The following ZDHHC15 variants were observed in gnomAD, a reference collection of about 807,000 sequenced individuals.
ZDHHC15 encodes the protein palmitoyltransferase ZDHHC15.
In ZDHHC15, 19 loss-of-function variants were observed where a neutral mutation model predicts 31.7. The ratio of observed to expected loss-of-function variants is 0.60; its 90% confidence interval spans 0.42 to 0.88. ZDHHC15 has a LOEUF of 0.88. Ranked by LOEUF, ZDHHC15 falls within the 40% of genes least tolerant of loss-of-function variation. The pLI is 0.00. For synonymous variants in ZDHHC15, 103 were observed against 90.0 expected (o/e 1.14, Z -0.82); for missense variants, 209 against 251.2 (o/e 0.83, Z 1.14).
chrX:75,460,475 C>A (rs1237395307), intron 3 of ZDHHC15, among the ~76,000 whole-genome samples: 1 of 111,411 alleles, frequency 9.0e-6, no homozygotes, highest in Non-Finnish European at 1.9e-5. Flanking sequence ...GTTTCCACTC[C>A]TCCTGACTGG....
Position 75,474,474 on chromosome X carries a change from T to C in ZDHHC15, c.258+4417A>G, listed in dbSNP as rs778425407. Among the ~76,000 whole-genome samples the C allele has an allele frequency of 2.9e-4, 19 of 66,262 alleles. 1 individual carries two copies. The South Asian group carries it at 0.013, about 45-fold the overall frequency. 57.5% of individuals were successfully genotyped at this position (66,262 alleles called of 115,157 possible). On this transcript the variant is annotated intron_variant, in intron 3 of 11. Transcript: ENST00000373367. ...ACACACACACACACACACACACACATATATGTACTTTTATTATACTTACAC... is the reference window on the plus strand; with the variant it reads ...ACACACACACACACACACACACACACATATGTACTTTTATTATACTTACAC...
rs895453561 is a variant in ZDHHC15 at position 75,379,180 on chromosome X, G to T, written c.986C>A (p.Ser329Ter). The T allele has an allele frequency of 1.7e-6, 2 of 1,211,275 alleles. No homozygotes were observed. Among genetic ancestry groups the T allele is most frequent in the Non-Finnish European group, 2.2e-6 (2 of 895,200 alleles). Residue 329 changes from serine (S) to a stop codon, truncating the protein, a stop_gained, in exon 11 of 12, where the codon TCA becomes TAA. Transcript: ENST00000373367. LOFTEE classifies it high-confidence loss of function. ...DDNQDYPEGS[S>*]SLAVETET The stretch of plus-strand genomic sequence containing the variant: ...TGTTTCCGTTTCCACAGCAAGAGAT[G>T]ATGAGCCTTCTGGATAATCTGCAAG...
At chrX:75,522,085 C>G (rs1211059743) in intron 1 of ZDHHC15, among the ~76,000 whole-genome samples, 1 of 110,900 alleles carries the variant, frequency 9.0e-6, no homozygotes, top group Non-Finnish European at 1.9e-5. Flanking sequence ...TCGAATGCTC[C>G]TCAAAGCAAG....
At chrX:75,398,607 C>G (rs1433538287) in intron 10 of ZDHHC15, among the ~76,000 whole-genome samples, 1 of 111,518 alleles carries the variant, frequency 9.0e-6, no homozygotes, top group Non-Finnish European at 1.9e-5. Context: ...CATGGCCAAA[C>G]TGCCTTTATA....
intron 3 of ZDHHC15, among the ~76,000 whole-genome samples, chrX:75,473,640 T>C (rs922075597): frequency 5.4e-5 from 6 of 111,313 alleles, no homozygotes; most frequent in African/African-American, 1.6e-4. Context: ...AATTTATTAC[T>C]CCACAACGGA....
chrX:75,423,699 C>T (rs1325725057), intron 8 of ZDHHC15, among the ~76,000 whole-genome samples: 1 of 106,419 alleles, frequency 9.4e-6, no homozygotes, highest in African/African-American at 3.4e-5. Flanking sequence ...TTATGTTGCT[C>T]AGGCTGGTCT....
intron 10 of ZDHHC15, among the ~76,000 whole-genome samples, chrX:75,399,210 AC>A (rs1165984926): frequency 2.7e-5 from 3 of 109,777 alleles, no homozygotes; most frequent in African/African-American, 9.9e-5. Context: ...CCCTCCAGCC[AC>A]CCCCCACCAG....
intron 9 of ZDHHC15, among the ~76,000 whole-genome samples, chrX:75,419,250 C>G (rs756604271): frequency 1.8e-5 from 2 of 111,344 alleles, no homozygotes; most frequent in South Asian, 3.8e-4. Context: ...AACAAATTTA[C>G]AAGAAAAAAA....
intron 4 of ZDHHC15, among the ~76,000 whole-genome samples, chrX:75,435,559 G>T (rs1413547078): frequency 1.8e-5 from 2 of 111,759 alleles, no homozygotes; most frequent in African/African-American, 6.5e-5. Context: ...AAGGGATGCT[G>T]GATTTTGTCA....
chrX:75,438,112 T>TA (rs2083889032), intron 4 of ZDHHC15, among the ~76,000 whole-genome samples: 1 of 111,722 alleles, frequency 9.0e-6, no homozygotes, highest in African/African-American at 3.3e-5. Context: ...TGGCAATCAT[T>TA]AAAAAGTCAG....
At chrX:75,476,050 G>A (rs865974020) in intron 3 of ZDHHC15, among the ~76,000 whole-genome samples, 6 of 110,797 alleles carry the variant, frequency 5.4e-5, no homozygotes, top group East Asian at 2.8e-4. Flanking sequence ...TGGTTTTTGC[G>A]TGATGTGGTG....
At position 75,373,926 on chromosome X, in the gene ZDHHC15, G is replaced by GTTTTTT. The variant is rs35704680; in HGVS notation, c.*33-987_*33-982dup. ...ATACTAGGTCTTATTCATTCTTTCT[G>GTTTTTT]TTTTTTTTTTTTTTTTTTTTTTGTA... On this transcript the variant is annotated intron_variant, in intron 11 of 11. Transcript: ENST00000373367. Among the ~76,000 whole-genome samples, 184 of 50,436 alleles carry GTTTTTT rather than the reference G, an allele frequency of 3.6e-3. 26 individuals are homozygous for GTTTTTT. The highest frequency in any genetic ancestry group is 0.027 in the South Asian group (14 of 526). The allele number at this position is 50,436 out of a possible 115,157, so 43.8% of individuals were successfully genotyped here.
intron 10 of ZDHHC15, among the ~76,000 whole-genome samples, chrX:75,407,358 G>A (rs1229939376): frequency 9.1e-6 from 1 of 110,355 alleles, no homozygotes; most frequent in Non-Finnish European, 1.9e-5. Flanking sequence ...GGGAAGTGAG[G>A]AGTGTCTCCA....
chrX:75,421,446 T>TATATAATATATATAATATATATTATATA (rs1556003961), intron 9 of ZDHHC15, among the ~76,000 whole-genome samples: 21 of 10,521 alleles, frequency 2.0e-3, no homozygotes, highest in African/African-American at 5.3e-3. Context: ...ATATATTATA[T>TATATAATATATATAATATATATTATATA]ATATATATTC....
At chrX:75,474,842 G>T (rs1339295232) in intron 3 of ZDHHC15, among the ~76,000 whole-genome samples, 1 of 110,235 alleles carries the variant, frequency 9.1e-6, no homozygotes, top group African/African-American at 3.3e-5. Context: ...TGGATCATGA[G>T]GTCAGGAGAT....
chrX:75,519,662 A>T (rs1162284530), intron 1 of ZDHHC15, among the ~76,000 whole-genome samples: 1 of 112,402 alleles, frequency 8.9e-6, no homozygotes, highest in Non-Finnish European at 1.9e-5. Context: ...ACTTTTTGAG[A>T]CATATTGAAA....
intron 1 of ZDHHC15, among the ~76,000 whole-genome samples, chrX:75,518,248 T>A (rs1353342744): frequency 9.0e-6 from 1 of 111,699 alleles, no homozygotes; most frequent in African/African-American, 3.3e-5. Context: ...ATTCAGAACA[T>A]GCAAAAAATA....
intron 2 of ZDHHC15, among the ~76,000 whole-genome samples, chrX:75,492,311 G>C (rs1347205383): frequency 9.0e-6 from 1 of 111,224 alleles, no homozygotes; most frequent in Non-Finnish European, 1.9e-5. Context: ...AAGAGACTTA[G>C]ATTCCCACAC....
chrX:75,428,771 G>A (rs909979293), intron 7 of ZDHHC15, among the ~76,000 whole-genome samples: 2 of 111,639 alleles, frequency 1.8e-5, no homozygotes, highest in Middle Eastern at 4.6e-3. Context: ...GGTAGGAAGT[G>A]GAACTTTAAA....
Sources: allele counts gnomAD v4.1 joint callset (sites outside exome capture counted in the v4.1 genomes callset), GRCh38; gene constraint gnomAD v4.1.1; transcripts MANE v1.5; gene names NCBI Gene and HGNC (gene_info 2026-07-23, HGNC 2026-07-21).